Variants in HS6ST3 observed in about 807,000 individuals in gnomAD.
HS6ST3 encodes the protein heparan-sulfate 6-O-sulfotransferase 3.
A neutral mutation model predicts 36.7 loss-of-function variants in HS6ST3; 12 were observed. The ratio of observed to expected loss-of-function variants is 0.33; its 90% CI spans 0.21 to 0.53. HS6ST3 has a LOEUF of 0.53. Ranked by LOEUF, HS6ST3 falls within the 20% of genes least tolerant of loss-of-function variation. HS6ST3 has a pLI of 0.95. For synonymous variants in HS6ST3, 240 were observed against 257.5 expected, an observed-to-expected ratio of 0.93 and a Z score of 0.65; for missense variants, 584 against 640.9, an observed-to-expected ratio of 0.91 and a Z score of 0.96.
chr13:96,146,137 G>C (rs1337270191), intron 1 of HS6ST3, among the ~76,000 whole-genome samples: 2 of 152,136 alleles, frequency 1.3e-5, no homozygotes, highest in African/African-American at 4.8e-5. Context: ...GGCAATGCAG[G>C]CTCTTTTTTG....
At chr13:96,278,763 G>A (rs1358861437) in intron 1 of HS6ST3, among the ~76,000 whole-genome samples, 1 of 152,014 alleles carries the variant, frequency 6.6e-6, no homozygotes, top group East Asian at 1.9e-4. Context: ...ATAAGTAATG[G>A]GTTATCTAAC....
chr13:96,725,529 C>T (rs980649751), intron 1 of HS6ST3, among the ~76,000 whole-genome samples: 2 of 151,980 alleles, frequency 1.3e-5, no homozygotes, highest in Admixed American at 6.6e-5. Flanking sequence ...TGTTCCATTC[C>T]AAGTTAATTT....
At chr13:96,689,622 T>TTTTTTTTG (rs1874886448) in intron 1 of HS6ST3, among the ~76,000 whole-genome samples, 1 of 148,238 alleles carries the variant, frequency 6.7e-6, no homozygotes, top group African/African-American at 2.5e-5. Context: ...TTTTTTTTTT[T>TTTTTTTTG]GGTGATTGTA....
chr13:96,461,593 G>C (rs761730717), intron 1 of HS6ST3, among the ~76,000 whole-genome samples: 1 of 152,172 alleles, frequency 6.6e-6, no homozygotes, highest in Admixed American at 6.5e-5. Context: ...CTGCATTGCT[G>C]AACTAACACA....
chr13:96,258,799 A>T (rs1218217927), intron 1 of HS6ST3, among the ~76,000 whole-genome samples: 1 of 152,202 alleles, frequency 6.6e-6, no homozygotes, highest in Non-Finnish European at 1.5e-5. Context: ...TAATTATTAT[A>T]TGTCAGTTAC....
chr13:96,702,067 G>T (rs545349326), intron 1 of HS6ST3, among the ~76,000 whole-genome samples: 76 of 152,322 alleles, frequency 5.0e-4, no homozygotes, highest in African/African-American at 1.7e-3. Flanking sequence ...GGAATCCACA[G>T]GAAGATGGGC....
At chr13:96,422,414 T>C (rs2055566642) in intron 1 of HS6ST3, among the ~76,000 whole-genome samples, 1 of 152,160 alleles carries the variant, frequency 6.6e-6, no homozygotes, top group Admixed American at 6.5e-5. Context: ...TAGAGGACAA[T>C]ATTTATCAGG....
At chr13:96,486,472 A>C (rs1021367252) in intron 1 of HS6ST3, among the ~76,000 whole-genome samples, 1 of 152,216 alleles carries the variant, frequency 6.6e-6, no homozygotes, top group Non-Finnish European at 1.5e-5. Flanking sequence ...ACTAGTTTAC[A>C]GTCCCACCAA....
At chr13:96,368,941 G>T (rs1276014959) in intron 1 of HS6ST3, among the ~76,000 whole-genome samples, 1 of 152,036 alleles carries the variant, frequency 6.6e-6, no homozygotes, top group Non-Finnish European at 1.5e-5. Context: ...GGACATGTTT[G>T]TCCCCAGGAA....
At chr13:96,297,302 T>C (rs781200642) in intron 1 of HS6ST3, among the ~76,000 whole-genome samples, 1 of 152,192 alleles carries the variant, frequency 6.6e-6, no homozygotes, top group Non-Finnish European at 1.5e-5. Context: ...CATTTTACTT[T>C]ACTGTGCACA....
At chr13:96,119,418 G>T (rs1340023798) in intron 1 of HS6ST3, among the ~76,000 whole-genome samples, 4 of 152,032 alleles carry the variant, frequency 2.6e-5, no homozygotes, top group African/African-American at 4.8e-5. Flanking sequence ...TTTAATAATA[G>T]ATATTGATTT....
At chr13:96,723,368 G>T (rs532174136) in intron 1 of HS6ST3, among the ~76,000 whole-genome samples, 2 of 152,230 alleles carry the variant, frequency 1.3e-5, no homozygotes, top group South Asian at 4.2e-4. Context: ...CCCTACGCAT[G>T]ATGTAGTGAT....
At chr13:96,335,049 G>C (rs1236539301) in intron 1 of HS6ST3, among the ~76,000 whole-genome samples, 1 of 152,108 alleles carries the variant, frequency 6.6e-6, no homozygotes, top group Non-Finnish European at 1.5e-5. Context: ...AATTGGGCTG[G>C]GGGCTGGTGG....
At chr13:96,457,939 T>C (rs1227514833) in intron 1 of HS6ST3, among the ~76,000 whole-genome samples, 1 of 152,188 alleles carries the variant, frequency 6.6e-6, no homozygotes, top group East Asian at 1.9e-4. Flanking sequence ...GCTAAGAGTC[T>C]ATACTACTGG....
At chr13:96,180,809 G>T (rs1014941597) in intron 1 of HS6ST3, among the ~76,000 whole-genome samples, 18 of 152,264 alleles carry the variant, frequency 1.2e-4, no homozygotes, top group African/African-American at 4.3e-4. Context: ...GTGAGTCTGA[G>T]ATTTGAACCA....
chr13:96,359,307 T>C (rs1292125889), intron 1 of HS6ST3, among the ~76,000 whole-genome samples: 2 of 152,190 alleles, frequency 1.3e-5, no homozygotes, highest in Non-Finnish European at 2.9e-5. Flanking sequence ...ATGAGATTGT[T>C]TGTACTCCAC....
At chr13:96,306,030 C>G (rs2054911256) in intron 1 of HS6ST3, among the ~76,000 whole-genome samples, 1 of 151,232 alleles carries the variant, frequency 6.6e-6, no homozygotes, top group Non-Finnish European at 1.5e-5. Flanking sequence ...CTCCCAGGCT[C>G]AAGCAATTCT....
chr13:96,139,541 G>GGAA (rs371698480), intron 1 of HS6ST3, among the ~76,000 whole-genome samples: 1 of 66,264 alleles, frequency 1.5e-5, no homozygotes, highest in Non-Finnish European at 2.7e-5. Flanking sequence ...GTAAGATTCA[G>GGAA]AAAAAAAAAA....
chr13:96,806,385 G>C (rs1878198550), intron 1 of HS6ST3, among the ~76,000 whole-genome samples: 2 of 152,176 alleles, frequency 1.3e-5, no homozygotes, highest in Admixed American at 6.5e-5. Context: ...CCTAGTAATA[G>C]ATACTGATAA....
Sources: allele counts gnomAD v4.1 joint callset (sites outside exome capture counted in the v4.1 genomes callset), GRCh38; gene constraint gnomAD v4.1.1; transcripts MANE v1.5; gene names NCBI Gene and HGNC (gene_info 2026-07-23, HGNC 2026-07-21).